The following ARG1 variants were observed in gnomAD, a reference collection of about 807,000 sequenced individuals.
ARG1 encodes arginase 1, also known as arginase-1.
In ARG1, 20 loss-of-function variants were observed where a neutral mutation model predicts 33.0. That is an observed-to-expected ratio of 0.61 (90% CI 0.43 to 0.88). ARG1 has a LOEUF of 0.88. Among genes scored for constraint, ARG1 ranks in the 40% least tolerant of loss-of-function variants. The pLI, the probability that ARG1 is intolerant of heterozygous loss-of-function variation, is 0.00. For synonymous variants in ARG1, 146 were observed against 140.6 expected (o/e 1.04, Z -0.27); for missense variants, 374 against 384.7 (o/e 0.97, Z 0.23).
Position 131,579,285 on chromosome 6 carries a change from GGTCTT to G in ARG1, c.305+3_305+7del. The G allele has an allele frequency of 6.2e-7, 1 of 1,613,912 alleles. No individual in the cohort carries two copies. The highest frequency in any genetic ancestry group is 1.7e-4 in the Middle Eastern group (1 of 6,060). ...AGCCTGGTGCTGGGCGGAGACCACA[GGTCTT>G]GTTGAATAACTGTGTCTATGGGAAT... is the stretch of plus-strand genomic sequence containing the variant. On this transcript the variant is annotated splice_donor_variant and splice_donor_5th_base_variant and intron_variant, in intron 3 of 7. Transcript: ENST00000368087. LOFTEE classifies it high-confidence loss of function.
intron 4 of ARG1, 32 bp downstream of exon 4, chr6:131,581,410 G>T: frequency 1.3e-6 from 2 of 1,597,438 alleles, no homozygotes; most frequent in Non-Finnish European, 1.7e-6. Flanking sequence ...TAGTGCAATA[G>T]AATACTTTTT....
intron 3 of ARG1, among the ~76,000 whole-genome samples, chr6:131,580,921 C>G (rs1773886611): frequency 6.6e-6 from 1 of 152,082 alleles, no homozygotes; most frequent in South Asian, 2.1e-4. Flanking sequence ...TATTTTTATA[C>G]TCATTTATTT....
At chr6:131,575,402 G>T (rs1254735267) in intron 1 of ARG1, among the ~76,000 whole-genome samples, 1 of 152,116 alleles carries the variant, frequency 6.6e-6, no homozygotes, top group Admixed American at 6.5e-5. Flanking sequence ...ACCCTATTGG[G>T]GTTGAAAGAA....
chr6:131,582,268 C>T (rs1158334946), intron 4 of ARG1, among the ~76,000 whole-genome samples: 1 of 152,138 alleles, frequency 6.6e-6, no homozygotes, highest in Non-Finnish European at 1.5e-5. Flanking sequence ...AAATTTCCCT[C>T]AGCTGCTCTA....
At position 131,579,241 on chromosome 6, in the gene ARG1, CAAG is replaced by C; in HGVS notation, c.267_269del (p.Lys89del). The C allele has an allele frequency of 1.2e-6, 2 of 1,614,022 alleles. No homozygotes were observed. On this transcript the variant is annotated inframe_deletion, in exon 3 of 8. Transcript: ENST00000368087. ...AGCTGGCTGGCAAGGTGGCAGAAGT[CAAG>C]AAGAACGGAAGAATCAGCCTGGTGC...
chr6:131,580,680 T>G (rs1475302064), intron 3 of ARG1, among the ~76,000 whole-genome samples: 1 of 152,144 alleles, frequency 6.6e-6, no homozygotes, highest in African/African-American at 2.4e-5. Flanking sequence ...ATAGAATGAG[T>G]GAACACACGC....
At chr6:131,581,399 C>G (rs373590467) in intron 4 of ARG1, 21 bp downstream of exon 4, 1 of 1,605,498 alleles carries the variant, frequency 6.2e-7, no homozygotes, top group Non-Finnish European at 8.5e-7. Flanking sequence ...GGTTGGTACT[C>G]TAGTGCAATA....
At position 131,583,772 on chromosome 6, in the gene ARG1, T is replaced by C; in HGVS notation, c.833T>C (p.Val278Ala). Residue 278 changes from valine to alanine, a missense_variant, in exon 8 of 8, where the codon GTG becomes GCG. Coordinates refer to ENST00000368087, the MANE Select transcript of ARG1 (RefSeq NM_000045.4). The stretch of plus-strand genomic sequence containing the variant: ...CTCTCAGGATTAGATATAATGGAAG[T>C]GAACCCATCCCTGGGGAAGACACCA... ...GLLSGLDIMEVNPSLGKTPEE... is the reference protein window; with the variant it reads ...GLLSGLDIMEANPSLGKTPEE... 1.9e-6 allele frequency: 3 copies of C among 1,614,086 alleles called. No homozygotes were observed. The South Asian group carries it at 3.3e-5, about 18-fold the overall frequency.
At chr6:131,574,204 A>C (rs1773503724) in intron 1 of ARG1, 5 of 1,467,472 alleles carry the variant, frequency 3.4e-6, no homozygotes, top group Non-Finnish European at 4.8e-6. Flanking sequence ...AGTTGAAACT[A>C]CTAAGGTTGA....
At position 131,581,325 on chromosome 6, in the gene ARG1, G is replaced by A; in HGVS notation, c.412G>A (p.Gly138Arg). 1 of 1,613,874 alleles carries A rather than the reference G, an allele frequency of 6.2e-7. No individual in the cohort carries two copies. The highest frequency in any genetic ancestry group is 8.5e-7 in the Non-Finnish European group (1 of 1,179,874). Reference sequence around the variant, plus strand: ...CAACACTCCACTGACAACCACAAGTGGAAACTTGCATGGACAACCTGTATC... The same window carrying A: ...CAACACTCCACTGACAACCACAAGTAGAAACTTGCATGGACAACCTGTATC... Reference protein sequence around the residue: ...DINTPLTTTSGNLHGQPVSFL... With the variant: ...DINTPLTTTSRNLHGQPVSFL... Residue 138 changes from glycine (G) to arginine (R), a missense_variant, in exon 4 of 8, where the codon GGA (glycine) becomes AGA (arginine). By Grantham distance (125) the Gly-to-Arg change is moderately radical. Coordinates refer to ENST00000368087, the MANE Select transcript of ARG1 (RefSeq NM_000045.4).
chr6:131,583,102 T>C lies in ARG1; in HGVS notation c.603T>C (p.Thr201=), dbSNP rs767964970. ...TAGGCATTAAATACTTTTCAATGAC[T>C]GAAGTGGACAGACTAGGAATTGGCA... ...KTLGIKYFSM[T]EVDRLGIGKV... is the part of the protein sequence containing the mutation. Residue 201 remains threonine (T), a synonymous_variant, in exon 6 of 8, where the codon ACT becomes ACC. Coordinates refer to ENST00000368087, the MANE Select transcript of ARG1 (RefSeq NM_000045.4). 6.2e-7 allele frequency: 1 copy of C among 1,614,008 alleles called. No homozygotes were observed. Among genetic ancestry groups the C allele is most frequent in the South Asian group, 1.1e-5 (1 of 91,066 alleles).
intron 6 of ARG1, 46 bp downstream of exon 6, chr6:131,583,210 G>T: frequency 6.2e-7 from 1 of 1,601,090 alleles, no homozygotes; most frequent in Non-Finnish European, 8.6e-7. Flanking sequence ...AACAGAAAAG[G>T]TTGCTACTGA....
In ARG1 at chr6:131,573,308, G is replaced by A; in HGVS notation, c.26G>A (p.Gly9Glu). ...ATGAGCGCCAAGTCCAGAACCATAG[G>A]GATTATTGGAGCTCCTTTCTCAAAG... is the stretch of plus-strand genomic sequence containing the variant. The part of the protein sequence containing the change: MSAKSRTI[G>E]IIGAPFSKGQ... Residue 9 changes from glycine (G) to glutamate (E), a missense_variant, in exon 1 of 8, where the codon GGG (glycine) becomes GAG (glutamate). Transcript: ENST00000368087. 2 of 1,614,008 alleles carry A rather than the reference G, an allele frequency of 1.2e-6. No homozygotes were observed. Among genetic ancestry groups the A allele is most frequent in the East Asian group, 2.2e-5 (1 of 44,870 alleles).
Position 131,583,970 on chromosome 6 carries a change from C to T in ARG1, c.*62C>T. 6.4e-7 allele frequency: 1 copy of T among 1,571,382 alleles called. No individual in the cohort carries two copies. The highest frequency in any genetic ancestry group is 8.7e-7 in the Non-Finnish European group (1 of 1,143,666). ...GCATAATTAGAAAGCTAATCATTTT[C>T]TTAAGCATAGAGTTATCCTTCTAAA... On this transcript the variant is annotated 3_prime_UTR_variant, in exon 8 of 8. Coordinates refer to ENST00000368087, the MANE Select transcript of ARG1 (RefSeq NM_000045.4).
At chr6:131,581,152 G>A (rs945997924) in intron 3 of ARG1, 67 bp from the exon 4 acceptor site, 3 of 1,517,392 alleles carry the variant, frequency 2.0e-6, no homozygotes, top group African/African-American at 2.7e-5. Flanking sequence ...GGAGCATTGA[G>A]TGAATAATAT....
At chr6:131,580,713 A>T (rs942156351) in intron 3 of ARG1, among the ~76,000 whole-genome samples, 1 of 152,160 alleles carries the variant, frequency 6.6e-6, no homozygotes, top group Non-Finnish European at 1.5e-5. Context: ...GAAGAACTTG[A>T]GTAAGAACAT....
At chr6:131,583,187 C>T in intron 6 of ARG1, 23 bp downstream of exon 6, 3 of 1,604,838 alleles carry the variant, frequency 1.9e-6, no homozygotes, top group Non-Finnish European at 2.6e-6. Flanking sequence ...TGTGTGTGCA[C>T]ACATGTGTGT....
Position 131,582,619 on chromosome 6 carries a change from A to G in ARG1, c.466-2A>G, listed in dbSNP as rs1554251045. On this transcript the variant is annotated splice_acceptor_variant, in intron 4 of 7. Coordinates refer to ENST00000368087, the MANE Select transcript of ARG1 (RefSeq NM_000045.4). LOFTEE classifies it high-confidence loss of function. ...AACCAAGTGAAAACATTGTAATTTTAGATTCCCGATGTGCCAGGATTCTCC... is the reference window on the plus strand; with the variant it reads ...AACCAAGTGAAAACATTGTAATTTTGGATTCCCGATGTGCCAGGATTCTCC... The G allele has an allele frequency of 1.9e-6, 3 of 1,611,354 alleles. No individual in the cohort carries two copies. The highest frequency in any genetic ancestry group is 2.2e-5 in the South Asian group (2 of 91,040).
At chr6:131,581,189 G>T (rs41285336) in intron 3 of ARG1, 30 bp from the exon 4 acceptor site, 1 of 1,612,412 alleles carries the variant, frequency 6.2e-7, no homozygotes, top group East Asian at 2.2e-5. Flanking sequence ...CTGCAAACCT[G>T]ATGTTCACAC....
Sources: allele counts gnomAD v4.1 joint callset (sites outside exome capture counted in the v4.1 genomes callset), GRCh38; gene constraint gnomAD v4.1.1; transcripts MANE v1.5; gene names NCBI Gene and HGNC (gene_info 2026-07-23, HGNC 2026-07-21).